The following ZW10 variants were observed in gnomAD, a reference collection of about 807,000 sequenced individuals.
ZW10 encodes the protein centromere/kinetochore protein zw10 homolog.
Under a neutral mutation model 87.8 loss-of-function variants are expected in ZW10, and 53 were observed. The observed-to-expected ratio is 0.60, with a 90% CI of 0.48 to 0.76. The LOEUF is 0.76. Among genes scored for constraint, ZW10 ranks in the 30% least tolerant of loss-of-function variants. The pLI is 0.00. For synonymous variants in ZW10, 312 were observed against 329.2 expected, an observed-to-expected ratio of 0.95 and a Z score of 0.57; for missense variants, 837 against 923.0, an observed-to-expected ratio of 0.91 and a Z score of 1.21.
chr11:113,746,426 T>G (rs1296228736), intron 9 of ZW10, among the ~76,000 whole-genome samples: 1 of 145,674 alleles, frequency 6.9e-6, no homozygotes, highest in Non-Finnish European at 1.5e-5. Flanking sequence ...GAGCACTGAG[T>G]ACATAGTAGT....
intron 6 of ZW10, among the ~76,000 whole-genome samples, chr11:113,758,347 CA>C (rs561325713): frequency 5.9e-4 from 64 of 109,106 alleles, no homozygotes; most frequent in South Asian, 6.1e-4. Flanking sequence ...ATTCAAAAAC[CA>C]AAAAAAAAAA....
rs1447200306 is a variant in ZW10, at chr11:113,738,252, A to G, written c.1884+12T>C. 6.3e-7 allele frequency: 1 copy of G among 1,586,938 alleles called. No homozygotes were observed. Among genetic ancestry groups the G allele is most frequent in the Admixed American group, 1.9e-5 (1 of 53,360 alleles). On this transcript the variant is annotated intron_variant, in intron 13 of 15. Coordinates refer to ENST00000200135, the MANE Select transcript of ZW10 (RefSeq NM_004724.4). ...TAGAATACAAATTTCAGTGCTAGCA[A>G]GAGCCTCCTACCTGCCGGACTGCTT... is the stretch of plus-strand genomic sequence containing the variant.
intron 4 of ZW10, 56 bp downstream of exon 4, chr11:113,760,457 T>C: frequency 1.2e-6 from 2 of 1,604,528 alleles, no homozygotes; most frequent in Non-Finnish European, 1.7e-6. Flanking sequence ...AATACAAAAT[T>C]TACTGAAAAC....
At chr11:113,740,185 TA>T (rs142162870) in intron 11 of ZW10, among the ~76,000 whole-genome samples, 17,844 of 139,928 alleles carry the variant, frequency 0.13, 1,361 homozygotes, top group South Asian at 0.22. Flanking sequence ...CTGTGGGGCT[TA>T]AAAAAAAAGA....
At chr11:113,759,045 C>T (rs1363652152) in intron 5 of ZW10, among the ~76,000 whole-genome samples, 1 of 152,106 alleles carries the variant, frequency 6.6e-6, no homozygotes, top group Non-Finnish European at 1.5e-5. Flanking sequence ...CGTGGTAGCA[C>T]GCACCTGTGG....
chr11:113,758,362 G>A (rs1409989898), intron 6 of ZW10, among the ~76,000 whole-genome samples, 192 bp downstream of exon 6: 1 of 94,354 alleles, frequency 1.1e-5, no homozygotes, highest in African/African-American at 3.9e-5. Flanking sequence ...AAAAAAATAG[G>A]AACAGTTGAA....
chr11:113,736,188 T>A (rs111901250), intron 15 of ZW10, among the ~76,000 whole-genome samples: 27 of 151,918 alleles, frequency 1.8e-4, no homozygotes, highest in African/African-American at 6.3e-4. Context: ...GGTGGGAGGA[T>A]CCCTTGAGCC....
chr11:113,736,592 T>C (rs756028491), intron 15 of ZW10, 28 bp downstream of exon 15: 1 of 1,610,590 alleles, frequency 6.2e-7, no homozygotes, highest in Non-Finnish European at 8.5e-7. Flanking sequence ...TGGAGAGTTA[T>C]ATGCCTCTAT....
intron 11 of ZW10, 45 bp downstream of exon 11, chr11:113,741,649 T>C: frequency 2.3e-6 from 3 of 1,308,758 alleles, no homozygotes; most frequent in Non-Finnish European, 3.2e-6. Context: ...TTCCACATCT[T>C]AGACATACAA....
chr11:113,762,134 C>A (rs546116917), intron 2 of ZW10, among the ~76,000 whole-genome samples: 23 of 152,262 alleles, frequency 1.5e-4, no homozygotes, highest in African/African-American at 4.6e-4. Flanking sequence ...CTTACAGGAA[C>A]CCAAATGGTA....
At chr11:113,772,045 GA>G (rs1207605282) in intron 1 of ZW10, among the ~76,000 whole-genome samples, 7 of 152,154 alleles carry the variant, frequency 4.6e-5, no homozygotes, top group Admixed American at 2.0e-4. Context: ...GGAAGATAAA[GA>G]TTTTTTTTTA....
In ZW10 at chr11:113,754,482, C is replaced by T. The variant is rs538552521; in HGVS notation, c.925+3180G>A. 2.0e-5 allele frequency among the ~76,000 whole-genome samples: 3 copies of T among 152,160 alleles called. No homozygotes were observed. The East Asian group carries it at 5.8e-4, about 29-fold the overall frequency. On this transcript the variant is annotated intron_variant, in intron 7 of 15. Coordinates refer to ENST00000200135, the MANE Select transcript of ZW10 (RefSeq NM_004724.4). Reference sequence around the variant, plus strand: ...CCTGGGCAACAGAGTGCGACTCCATCTCAAAAAAATTCCCAGGACCCTTAA... The same window carrying T: ...CCTGGGCAACAGAGTGCGACTCCATTTCAAAAAAATTCCCAGGACCCTTAA...
intron 15 of ZW10, 22 bp from the exon 16 acceptor site, chr11:113,733,836 TC>T: frequency 6.3e-7 from 1 of 1,581,952 alleles, no homozygotes; most frequent in Non-Finnish European, 8.6e-7. Flanking sequence ...AAGATAGAGT[TC>T]CATTTCCTAT....
chr11:113,746,629 G>A (rs1252464050), intron 9 of ZW10, among the ~76,000 whole-genome samples: 2 of 152,058 alleles, frequency 1.3e-5, no homozygotes, highest in Non-Finnish European at 1.5e-5. Flanking sequence ...CCAAGGAAGG[G>A]GTACAGGAAA....
intron 12 of ZW10, 106 bp downstream of exon 12, chr11:113,739,107 C>A (rs1953584101): frequency 7.7e-7 from 1 of 1,296,042 alleles, no homozygotes. Context: ...TGATACAGCT[C>A]AGGACCACCA....
In ZW10 at chr11:113,768,851, T is replaced by A; in HGVS notation, c.222A>T (p.Lys74Asn). The change falls in exon 2 of 16, where the codon AAA becomes AAT. Residue 74 changes from lysine (K) to asparagine (N), a missense_variant. By Grantham distance (94) the Lys-to-Asn change is moderately conservative. Coordinates refer to ENST00000200135, the MANE Select transcript of ZW10 (RefSeq NM_004724.4). Reference sequence around the variant, plus strand: ...TCCTTACCTCACTCTCTATCCTGGATTTCAGCAGGTCAATGTCTTCAGATA... The same window carrying A: ...TCCTTACCTCACTCTCTATCCTGGAATTCAGCAGGTCAATGTCTTCAGATA... Reference protein sequence around the residue: ...DKLSEDIDLLKSRIESEVRRD... With the variant: ...DKLSEDIDLLNSRIESEVRRD... 6.2e-7 allele frequency: 1 copy of A among 1,614,116 alleles called. No individual in the cohort carries two copies. Among genetic ancestry groups the A allele is most frequent in the Admixed American group, 1.7e-5 (1 of 60,014 alleles).
chr11:113,739,158 T>C (rs936499530), intron 12 of ZW10, 55 bp downstream of exon 12: 19 of 1,581,818 alleles, frequency 1.2e-5, no homozygotes, highest in Non-Finnish European at 1.5e-5. Context: ...ATAAAGATAC[T>C]ATGTTGACAA....
chr11:113,760,703 A>G, intron 3 of ZW10, 113 bp from the exon 4 acceptor site: 2 of 1,193,596 alleles, frequency 1.7e-6, no homozygotes, highest in Non-Finnish European at 2.3e-6. Context: ...AAAAAAAAAA[A>G]AGAAAGAAAA....
At chr11:113,737,540 T>A in intron 14 of ZW10, 32 bp downstream of exon 14, 1 of 1,504,892 alleles carries the variant, frequency 6.6e-7, no homozygotes, top group Non-Finnish European at 9.0e-7. Context: ...GAATTGCATC[T>A]CAAGGCTAGT....
Sources: gnomAD v4.1 joint callset for allele counts (sites outside exome capture counted in the v4.1 genomes callset) on GRCh38, gnomAD v4.1.1 for gene constraint, MANE v1.5 for transcripts, NCBI Gene and HGNC (gene_info 2026-07-23, HGNC 2026-07-21) for gene names.